CADPS2: variants seen among roughly 807,000 people sequenced by gnomAD.
CADPS2 encodes the protein calcium dependent secretion activator 2.
In CADPS2, 93 loss-of-function variants were observed where a neutral mutation model predicts 172.5. The observed-to-expected ratio is 0.54, with a 90% CI of 0.46 to 0.64. CADPS2 has a LOEUF of 0.64. Among genes scored for constraint, CADPS2 ranks in the 30% least tolerant of loss-of-function variants. The pLI, the probability that CADPS2 is intolerant of heterozygous loss-of-function variation, is 0.00. For synonymous variants in CADPS2, 546 were observed against 555.2 expected (o/e 0.98, Z 0.23); for missense variants, 1,420 against 1,565.9 (o/e 0.91, Z 1.57).
At chr7:122,810,293 T>C (rs1373108576) in intron 1 of CADPS2, among the ~76,000 whole-genome samples, 1 of 152,190 alleles carries the variant, frequency 6.6e-6, no homozygotes, top group Non-Finnish European at 1.5e-5. Flanking sequence ...TGGCTCCTAT[T>C]GACCTACTTC....
chr7:122,513,234 G>A lies in CADPS2; in HGVS notation c.1542+15C>T, dbSNP rs1051465452. 1.9e-6 allele frequency: 3 copies of A among 1,541,562 alleles called. No individual in the cohort carries two copies. The Admixed American group carries it at 5.8e-5, about 30-fold the overall frequency. On this transcript the variant is annotated intron_variant, in intron 9 of 29. Coordinates refer to ENST00000449022, the MANE Select transcript of CADPS2 (RefSeq NM_017954.11). ...CTATCTTAGAGTGATTATTTAACAG[G>A]AAAAAATGACTAACCTGAACTAGAA... is the stretch of plus-strand genomic sequence containing the variant.
At chr7:122,655,190 A>G (rs1468113063) in intron 3 of CADPS2, among the ~76,000 whole-genome samples, 1 of 152,192 alleles carries the variant, frequency 6.6e-6, no homozygotes, top group African/African-American at 2.4e-5. Flanking sequence ...GAAATGATAA[A>G]GGATTTAGAA....
intron 27 of CADPS2, among the ~76,000 whole-genome samples, chr7:122,352,419 T>C (rs191227195): frequency 6.6e-6 from 1 of 152,328 alleles, no homozygotes; most frequent in Admixed American, 6.5e-5. Context: ...ATGATTCAGA[T>C]TTTGGCTTAA....
intron 24 of CADPS2, 139 bp from the exon 25 acceptor site, chr7:122,379,581 C>A: frequency 1.5e-6 from 1 of 648,232 alleles, no homozygotes. Flanking sequence ...AAGAACAAAA[C>A]CTTGAAAATG....
chr7:122,669,384 T>G (rs2081539786), intron 2 of CADPS2, among the ~76,000 whole-genome samples: 3 of 149,066 alleles, frequency 2.0e-5, no homozygotes, highest in South Asian at 2.1e-4. Flanking sequence ...AAGTAATTAC[T>G]ACCCCCACAC....
intron 2 of CADPS2, among the ~76,000 whole-genome samples, chr7:122,688,528 C>A (rs1377084980): frequency 6.6e-6 from 1 of 152,172 alleles, no homozygotes; most frequent in Non-Finnish European, 1.5e-5. Context: ...TATTCAGAAG[C>A]TCTCTCATCA....
chr7:122,849,498 T>C (rs1812936127), intron 1 of CADPS2, among the ~76,000 whole-genome samples: 1 of 152,208 alleles, frequency 6.6e-6, no homozygotes, highest in Non-Finnish European at 1.5e-5. Flanking sequence ...TCATAAACTA[T>C]GGAGCTTCTC....
intron 2 of CADPS2, among the ~76,000 whole-genome samples, chr7:122,719,724 G>A (rs1235683742): frequency 6.6e-6 from 1 of 151,586 alleles, no homozygotes; most frequent in Non-Finnish European, 1.5e-5. Flanking sequence ...ATAATTTTTA[G>A]AACAGAAAAC....
intron 14 of CADPS2, among the ~76,000 whole-genome samples, chr7:122,470,794 C>G (rs755485705): frequency 5.3e-5 from 8 of 152,066 alleles, no homozygotes; most frequent in Admixed American, 2.6e-4. Flanking sequence ...CCACACGCGG[C>G]ATGATATGGA....
intron 7 of CADPS2, among the ~76,000 whole-genome samples, chr7:122,565,583 C>T (rs910354784): frequency 2.0e-5 from 3 of 152,132 alleles, no homozygotes; most frequent in Admixed American, 2.0e-4. Context: ...GAATCCTGCT[C>T]TTCTGATCTA....
intron 2 of CADPS2, among the ~76,000 whole-genome samples, chr7:122,687,858 T>C (rs2083836111): frequency 6.6e-6 from 1 of 152,236 alleles, no homozygotes; most frequent in Non-Finnish European, 1.5e-5. Flanking sequence ...TTAAATTATT[T>C]TGTTAATAAA....
rs1238725133 is a variant in CADPS2, at chr7:122,886,411, T to A, written c.-74A>T. The A allele has an allele frequency of 7.0e-7, 1 of 1,430,394 alleles. No homozygotes were observed. The highest frequency in any genetic ancestry group is 9.0e-7 in the Non-Finnish European group (1 of 1,105,304). The allele number at this position is 1,430,394 out of a possible 1,614,324, so 88.6% of individuals were successfully genotyped here. ...CCCCCGGCGGCTGCGCCCGCGGGTC[T>A]GAGGGAGCCGCGGGGCTGGCTGCAG... On this transcript the variant is annotated 5_prime_UTR_variant, in exon 1 of 30. Coordinates refer to ENST00000449022, the MANE Select transcript of CADPS2 (RefSeq NM_017954.11).
At chr7:122,447,543 ATTTTTTTTTTTTT>A (rs1159112244) in intron 15 of CADPS2, among the ~76,000 whole-genome samples, 3 of 89,796 alleles carry the variant, frequency 3.3e-5, no homozygotes, top group South Asian at 4.7e-4. Flanking sequence ...GTTTCGGGGA[ATTTTTTTTTTTTT>A]TTTTTTTTTT....
chr7:122,668,412 A>C (rs993684404), intron 2 of CADPS2, among the ~76,000 whole-genome samples: 145 of 151,856 alleles, frequency 9.5e-4, no homozygotes, highest in South Asian at 8.9e-3. Flanking sequence ...TAAAAAAAAA[A>C]AAAAAACAAA....
At chr7:122,403,031 C>G (rs981178757) in intron 20 of CADPS2, among the ~76,000 whole-genome samples, 5 of 152,088 alleles carry the variant, frequency 3.3e-5, no homozygotes, top group Admixed American at 2.0e-4. Flanking sequence ...CATAGTTTTC[C>G]AAAAGGACAA....
In CADPS2 at chr7:122,646,256, CAAGT is replaced by C. The variant is rs377581158; in HGVS notation, c.787-16932_787-16929del. ...TGTAAGTGCCCAACAATAGGAAACA[CAAGT>C]AACATTACTGTACATATGGTACAAC... On this transcript the variant is annotated intron_variant, in intron 3 of 29. Coordinates refer to ENST00000449022, the MANE Select transcript of CADPS2 (RefSeq NM_017954.11). Among the ~76,000 whole-genome samples, 16 of 152,166 alleles carry C rather than the reference CAAGT, an allele frequency of 1.1e-4. No homozygotes were observed. The East Asian group carries it at 2.7e-3, about 26-fold the overall frequency.
chr7:122,394,631 T>C (rs1211483826), intron 20 of CADPS2, among the ~76,000 whole-genome samples: 1 of 151,830 alleles, frequency 6.6e-6, no homozygotes, highest in African/African-American at 2.4e-5. Flanking sequence ...CAAACAAGTT[T>C]TGGGAAGGAA....
chr7:122,461,361 A>G (rs751435090), intron 14 of CADPS2, among the ~76,000 whole-genome samples: 11 of 152,202 alleles, frequency 7.2e-5, no homozygotes, highest in Admixed American at 2.6e-4. Flanking sequence ...TTATATTCCA[A>G]TCAGGGTAAA....
intron 3 of CADPS2, among the ~76,000 whole-genome samples, chr7:122,646,439 A>T (rs2078566322): frequency 6.6e-6 from 1 of 152,040 alleles, no homozygotes; most frequent in Non-Finnish European, 1.5e-5. Context: ...CCCCCAGTAT[A>T]ACAAAAGTGA....
Sources: gnomAD v4.1 joint callset for allele counts (sites outside exome capture counted in the v4.1 genomes callset) on GRCh38, gnomAD v4.1.1 for gene constraint, MANE v1.5 for transcripts, NCBI Gene and HGNC (gene_info 2026-07-23, HGNC 2026-07-21) for gene names.